BFSP1: variants seen among roughly 807,000 people sequenced by gnomAD.
BFSP1 encodes the protein filensin.
BFSP1 carries 38 observed loss-of-function variants against 43.9 expected under a neutral mutation model. That is an observed-to-expected ratio of 0.87 (90% CI 0.67 to 1.14). BFSP1 has a LOEUF of 1.14. Ranked by LOEUF, BFSP1 falls within the 50% of genes most tolerant of loss-of-function variation. BFSP1 has a pLI of 0.00. For synonymous variants in BFSP1, 352 were observed against 354.8 expected (o/e 0.99, Z 0.09); for missense variants, 850 against 875.1 (o/e 0.97, Z 0.36).
chr20:17,567,534 C>T (rs1019875896), intron 1 of BFSP1, among the ~76,000 whole-genome samples: 3 of 152,122 alleles, frequency 2.0e-5, no homozygotes, highest in Non-Finnish European at 4.4e-5. Context: ...TGCAGTTTAA[C>T]AAGGATCTCA....
At chr20:17,497,771 T>A (rs998532700) in intron 6 of BFSP1, among the ~76,000 whole-genome samples, 6 of 151,530 alleles carry the variant, frequency 4.0e-5, no homozygotes, top group Admixed American at 2.0e-4. Context: ...GAATCTGGAG[T>A]ATTCAGGAGT....
In BFSP1 at chr20:17,539,640, T is replaced by C. The variant is rs141587400; in HGVS notation, c.3-14732A>G. ...TTAGCTGAGCATGGTGGTGTGTACCTCTGTAGTCCTAGCTACTCGGGAGGC... is the reference window on the plus strand; with the variant it reads ...TTAGCTGAGCATGGTGGTGTGTACCCCTGTAGTCCTAGCTACTCGGGAGGC... On this transcript the variant is annotated intron_variant, in intron 1 of 7. Transcript: ENST00000377868. Among the ~76,000 whole-genome samples the C allele has an allele frequency of 7.1e-3, 1,084 of 151,874 alleles. 17 individuals carry two copies. The highest frequency in any genetic ancestry group is 0.018 in the East Asian group (93 of 5,142).
At chr20:17,553,835 A>ACATATATG (rs2034941178) in intron 1 of BFSP1, among the ~76,000 whole-genome samples, 1 of 90,802 alleles carries the variant, frequency 1.1e-5, no homozygotes, top group Non-Finnish European at 2.0e-5. Flanking sequence ...ATATATATAT[A>ACATATATG]TACACATATA....
chr20:17,510,743 G>C (rs569053551), intron 4 of BFSP1, among the ~76,000 whole-genome samples: 15 of 152,240 alleles, frequency 9.9e-5, no homozygotes, highest in African/African-American at 3.6e-4. Flanking sequence ...CCACCTCCTG[G>C]GAAGCCCATT....
intron 6 of BFSP1, among the ~76,000 whole-genome samples, chr20:17,498,584 C>G (rs926612421): frequency 3.3e-5 from 5 of 152,206 alleles, no homozygotes; most frequent in African/African-American, 4.8e-5. Context: ...CAAGCATTCC[C>G]CCATCACCCC....
chr20:17,531,510 C>T (rs2034541349), upstream of BFSP1: 4 of 943,012 alleles, frequency 4.2e-6, no homozygotes, highest in Admixed American at 4.5e-5. Context: ...AGAGCAGCGG[C>T]CCGCTTTGTG....
chr20:17,545,104 C>T (rs1308448881), intron 1 of BFSP1, among the ~76,000 whole-genome samples: 1 of 152,176 alleles, frequency 6.6e-6, no homozygotes, highest in Non-Finnish European at 1.5e-5. Context: ...AAAGAGTTTT[C>T]CCAGGCGAGG....
intron 1 of BFSP1, among the ~76,000 whole-genome samples, chr20:17,547,109 A>T (rs2034814771): frequency 1.3e-5 from 2 of 151,638 alleles, no homozygotes; most frequent in African/African-American, 4.8e-5. Context: ...CAGAGGCAGG[A>T]GTATTCCTTG....
At chr20:17,564,371 A>G (rs1399032719) in intron 1 of BFSP1, among the ~76,000 whole-genome samples, 1 of 152,070 alleles carries the variant, frequency 6.6e-6, no homozygotes, top group East Asian at 1.9e-4. Flanking sequence ...GCTAAAAAAA[A>G]AAAAAAAAAT....
chr20:17,557,549 G>A (rs1433359296), intron 1 of BFSP1, among the ~76,000 whole-genome samples: 1 of 152,196 alleles, frequency 6.6e-6, no homozygotes, highest in Non-Finnish European at 1.5e-5. Flanking sequence ...AGTGGTTGTA[G>A]GAGGGTTGCC....
At chr20:17,553,776 C>CATATATATATATATATATATATAT (rs1204969085) in intron 1 of BFSP1, among the ~76,000 whole-genome samples, 7 of 106,228 alleles carry the variant, frequency 6.6e-5, no homozygotes, top group African/African-American at 2.3e-4. Flanking sequence ...AATATATAAA[C>CATATATATATATATATATATATAT]ATATATATAT....
intron 1 of BFSP1, among the ~76,000 whole-genome samples, chr20:17,567,586 G>C (rs528665724): frequency 6.4e-4 from 98 of 152,300 alleles, no homozygotes; most frequent in African/African-American, 2.4e-3. Context: ...GTGGCCGGGC[G>C]CTCGGTGTCT....
At chr20:17,562,393 G>A (rs945356280), upstream of BFSP1, among the ~76,000 whole-genome samples, 12 of 151,718 alleles carry the variant, frequency 7.9e-5, no homozygotes, top group African/African-American at 1.9e-4. Context: ...CAGGCGTGGT[G>A]GCACGCACCT....
In BFSP1 at chr20:17,507,943, A is replaced by G. The variant is rs1276886435; in HGVS notation, c.735+946T>C. On this transcript the variant is annotated intron_variant, in intron 5 of 7. Transcript: ENST00000377873. This position sits in a 1 kb window ranked among gnomAD's most constrained non-coding sequence, Gnocchi z 4.4. Reference sequence around the variant, plus strand: ...TTAGGATGTGAACTCCAAGGTCCCAAAATGAAATCCTGAGCAGACATGGGG... The same window carrying G: ...TTAGGATGTGAACTCCAAGGTCCCAGAATGAAATCCTGAGCAGACATGGGG... Among the ~76,000 whole-genome samples, 1 of 152,196 alleles carries G rather than the reference A, an allele frequency of 6.6e-6. No individual in the cohort carries two copies. Among genetic ancestry groups the G allele is most frequent in the Admixed American group, 6.5e-5 (1 of 15,278 alleles).
chr20:17,517,098 A>G (rs1600653860), intron 2 of BFSP1: 1 of 824,424 alleles, frequency 1.2e-6, no homozygotes, highest in Admixed American at 1.7e-5. Context: ...GTCTTACACC[A>G]CTCCCAAGAA....
intron 1 of BFSP1, among the ~76,000 whole-genome samples, chr20:17,539,701 G>A (rs1349017200): frequency 6.6e-6 from 1 of 152,090 alleles, no homozygotes; most frequent in Admixed American, 6.6e-5. Flanking sequence ...GGCAGGTCAA[G>A]GCTGCAGTGA....
At chr20:17,515,023 G>A (rs1413943247) in intron 2 of BFSP1, among the ~76,000 whole-genome samples, 1 of 152,224 alleles carries the variant, frequency 6.6e-6, no homozygotes, top group African/African-American at 2.4e-5. Context: ...GTTCTCAACA[G>A]AGGGTGATTT....
chr20:17,514,664 C>T, intron 3 of BFSP1, 57 bp downstream of exon 3: 1 of 1,547,150 alleles, frequency 6.5e-7, no homozygotes, highest in South Asian at 1.1e-5. Flanking sequence ...CCTCGGCTTA[C>T]CTGATCAAAC....
chr20:17,566,906 C>A (rs1311773208), intron 1 of BFSP1, among the ~76,000 whole-genome samples: 5 of 152,166 alleles, frequency 3.3e-5, no homozygotes, highest in African/African-American at 4.8e-5. Context: ...CCTGCCTCAG[C>A]CCCCTAAAGT....
Sources: allele counts gnomAD v4.1 joint callset (sites outside exome capture counted in the v4.1 genomes callset), GRCh38; gene constraint gnomAD v4.1.1; non-coding constraint Gnocchi (gnomAD v3.1); transcripts MANE v1.5; gene names NCBI Gene and HGNC (gene_info 2026-07-23, HGNC 2026-07-21).